The following XRN1 variants were observed in gnomAD, a reference collection of about 807,000 sequenced individuals.
XRN1 encodes the protein 5'-3' exoribonuclease 1.
A neutral mutation model predicts 222.3 loss-of-function variants in XRN1; 67 were observed. That is an observed-to-expected ratio of 0.30 (90% confidence interval 0.25 to 0.37). XRN1 has a LOEUF of 0.37. Among genes scored for constraint, XRN1 ranks in the 10% least tolerant of loss-of-function variants. The pLI is 1.00. For synonymous variants in XRN1, 643 were observed against 652.4 expected (o/e 0.99, Z 0.22); for missense variants, 1,707 against 2,000.2 (o/e 0.85, Z 2.80).
At chr3:142,317,825 G>T (rs1295136694) in intron 39 of XRN1, among the ~76,000 whole-genome samples, 1 of 152,160 alleles carries the variant, frequency 6.6e-6, no homozygotes, top group Non-Finnish European at 1.5e-5. Flanking sequence ...TCTTCTACAG[G>T]CACTTTAGCT....
intron 25 of XRN1, among the ~76,000 whole-genome samples, chr3:142,372,842 G>C (rs2067026868): frequency 6.6e-6 from 1 of 152,212 alleles, no homozygotes; most frequent in Non-Finnish European, 1.5e-5. Flanking sequence ...TCAAGGAAAA[G>C]GGTGGAGGCC....
At chr3:142,354,162 T>C (rs1279050020) in intron 32 of XRN1, among the ~76,000 whole-genome samples, 1 of 151,882 alleles carries the variant, frequency 6.6e-6, no homozygotes, top group Admixed American at 6.6e-5. Context: ...GACATATCAG[T>C]GGACAAGAAA....
chr3:142,409,626 G>A (rs73238182), intron 15 of XRN1, among the ~76,000 whole-genome samples: 25,315 of 152,016 alleles, frequency 0.17, 2,396 homozygotes, highest in Admixed American at 0.22. Flanking sequence ...TTCTTTATAT[G>A]GATTGTTTTG....
chr3:142,308,968 T>TA lies in XRN1; in HGVS notation c.*2542dup, dbSNP rs1211542163. The stretch of plus-strand genomic sequence containing the variant: ...TCTTGAAGTCCAACTGCTTTTCAGA[T>TA]ATACTCTAAATTCCAGGTCTATCAA... On this transcript the variant is annotated 3_prime_UTR_variant, in exon 41 of 41. Coordinates refer to ENST00000392981, the MANE Select transcript of XRN1 (RefSeq NM_001282857.2). 1 of 152,282 alleles carries TA rather than the reference T, an allele frequency of 6.6e-6. No individual in the cohort carries two copies. Among genetic ancestry groups the TA allele is most frequent in the African/African-American group, 2.4e-5 (1 of 41,578 alleles). The allele number at this position is 152,282 out of a possible 1,614,324, so 9.4% of individuals were successfully genotyped here. A position where few individuals can be genotyped will look rare whatever the true frequency, so the allele number is the denominator to read the frequency against.
In XRN1 at chr3:142,447,926, A is replaced by G; in HGVS notation, c.19T>C (p.Tyr7His). 1 of 1,613,986 alleles carries G rather than the reference A, an allele frequency of 6.2e-7. No homozygotes were observed. The highest frequency in any genetic ancestry group is 8.5e-7 in the Non-Finnish European group (1 of 1,179,948). Residue 7 changes from tyrosine to histidine, a missense_variant, in exon 1 of 41, where the codon TAC becomes CAC. Coordinates refer to ENST00000392981, the MANE Select transcript of XRN1 (RefSeq NM_001282857.2). This position sits in a 1 kb window ranked among gnomAD's most constrained non-coding sequence, Gnocchi z 4.2. MGVPKF[Y>H]RWISERYPCL... ...GGATACCGCTCTGAGATCCATCTGT[A>G]AAACTTGGGGACTCCCATTTCGATC...
chr3:142,318,972 T>C, intron 37 of XRN1, 69 bp from the exon 38 acceptor site: 3 of 1,223,448 alleles, frequency 2.5e-6, no homozygotes, highest in South Asian at 1.5e-5. Context: ...CAAAGTTTAG[T>C]CTAAACAAGT....
chr3:142,388,842 C>A (rs2067606461), intron 20 of XRN1, among the ~76,000 whole-genome samples: 1 of 152,208 alleles, frequency 6.6e-6, no homozygotes, highest in African/African-American at 2.4e-5. Context: ...GCTGTCATTT[C>A]AACAATGTTC....
At chr3:142,388,166 C>A (rs1436065294) in intron 20 of XRN1, among the ~76,000 whole-genome samples, 1 of 152,176 alleles carries the variant, frequency 6.6e-6, no homozygotes, top group African/African-American at 2.4e-5. Flanking sequence ...TTTTCCTCCT[C>A]CTCTAACACC....
chr3:142,412,248 T>C lies in XRN1; in HGVS notation c.1713+296A>G, dbSNP rs557233474. Among the ~76,000 whole-genome samples the C allele has an allele frequency of 1.3e-3, 202 of 152,340 alleles. 1 individual carries two copies. The highest frequency in any genetic ancestry group is 0.011 in the South Asian group (51 of 4,830). ...AGGTTCTGTTATTAGATACAACATATTTAGGATTTTTATGTCTTCTTGAAC... is the reference window on the plus strand; with the variant it reads ...AGGTTCTGTTATTAGATACAACATACTTAGGATTTTTATGTCTTCTTGAAC... On this transcript the variant is annotated intron_variant, in intron 15 of 40. Coordinates refer to ENST00000392981, the MANE Select transcript of XRN1 (RefSeq NM_001282857.2).
chr3:142,328,322 T>TG (rs770095567), intron 37 of XRN1, among the ~76,000 whole-genome samples: 1 of 152,144 alleles, frequency 6.6e-6, no homozygotes, highest in Non-Finnish European at 1.5e-5. Flanking sequence ...CTACAGGTTT[T>TG]GGTATGTTGT....
In XRN1 at chr3:142,347,465, A is replaced by G. The variant is rs551792447; in HGVS notation, c.3769-123T>C. On this transcript the variant is annotated intron_variant, in intron 32 of 40. Coordinates refer to ENST00000392981, the MANE Select transcript of XRN1 (RefSeq NM_001282857.2). ...AGTTCCTTAGAAAAAAACTTAATAC[A>G]GAAAAGTATAGAGACTTTTAAAGCC... 3.2e-5 allele frequency: 19 copies of G among 591,460 alleles called. No homozygotes were observed. The South Asian group carries it at 5.9e-4, about 18-fold the overall frequency. The allele number at this position is 591,460 out of a possible 1,614,324, so 36.6% of individuals were successfully genotyped here.
rs767160700 is a variant in XRN1, at chr3:142,335,488, G to A, written c.3899C>T (p.Pro1300Leu). Residue 1300 changes from proline to leucine, a missense_variant, in exon 34 of 41, where the codon CCT becomes CTT. Transcript: ENST00000392981. ...TTTTTGGGACCAACACTCAGCTTTA[G>A]GACTCTTACACTCTTCTTTAACTAG... Reference protein sequence around the residue: ...HRKFKEECKSPKAECWSQKMS... With the variant: ...HRKFKEECKSLKAECWSQKMS... The A allele has an allele frequency of 1.2e-6, 2 of 1,613,710 alleles. No individual in the cohort carries two copies. Among genetic ancestry groups the A allele is most frequent in the Non-Finnish European group, 1.7e-6 (2 of 1,179,822 alleles).
rs1164018240 is a variant in XRN1, at chr3:142,371,147, A to G, written c.3068+92T>C. On this transcript the variant is annotated intron_variant, in intron 26 of 40. Transcript: ENST00000392981. ...CCTGTCTCAAAAAAAAAAAAAAAAA[A>G]GTAATATGAAATTCTTGAGAAACCA... The G allele has an allele frequency of 5.0e-5, 49 of 984,708 alleles. No homozygotes were observed. The Admixed American group carries it at 9.5e-4, about 19-fold the overall frequency. The allele number at this position is 984,708 out of a possible 1,614,324, so 61.0% of individuals were successfully genotyped here. A position where few individuals can be genotyped will look rare whatever the true frequency, so the allele number is the denominator to read the frequency against.
rs758133794 is a variant in XRN1 at position 142,383,380 on chromosome 3, T to C, written c.2536A>G (p.Ile846Val). The C allele has an allele frequency of 3.1e-6, 5 of 1,613,984 alleles. No individual in the cohort carries two copies. The highest frequency in any genetic ancestry group is 4.2e-6 in the Non-Finnish European group (5 of 1,179,960). Residue 846 changes from isoleucine to valine, a missense_variant, in exon 22 of 41, where the codon ATC becomes GTC. By Grantham distance (29) the Ile-to-Val change is conservative. Transcript: ENST00000392981. ...IRAFDSRFSNIKTLDDLFPLR... is the reference protein window; with the variant it reads ...IRAFDSRFSNVKTLDDLFPLR... ...GGAAACAAATCATCCAATGTTTTGA[T>C]ATTGGAGAAACGGGAGTCGAAAGCT...
rs140809025 is a variant in XRN1, at chr3:142,345,098, C to T, written c.3877+2136G>A. Among the ~76,000 whole-genome samples, 176 of 152,240 alleles carry T rather than the reference C, an allele frequency of 1.2e-3. 1 individual carries two copies. The highest frequency in any genetic ancestry group is 4.5e-3 in the Admixed American group (69 of 15,294). ...GTCCAGAAATGAACCCATACATCTA[C>T]AGTCAATTACTTCTTAAAAATGAGA... On this transcript the variant is annotated intron_variant, in intron 33 of 40. Coordinates refer to ENST00000392981, the MANE Select transcript of XRN1 (RefSeq NM_001282857.2).
rs780710607 is a variant in XRN1 at position 142,308,926 on chromosome 3, A to C, written c.*2585T>G. 1 of 152,228 alleles carries C rather than the reference A, an allele frequency of 6.6e-6. No individual in the cohort carries two copies. The highest frequency in any genetic ancestry group is 1.5e-5 in the Non-Finnish European group (1 of 68,038). The allele number at this position is 152,228 out of a possible 1,614,324, so 9.4% of individuals were successfully genotyped here. On this transcript the variant is annotated 3_prime_UTR_variant, in exon 41 of 41. Coordinates refer to ENST00000392981, the MANE Select transcript of XRN1 (RefSeq NM_001282857.2). The stretch of plus-strand genomic sequence containing the variant: ...GTGGTCTTAGTCCACCCCATCTCAA[A>C]GAGAGAATTTTAAATTTCTTGAAGT...
chr3:142,416,496 A>G (rs2068794398), intron 13 of XRN1, among the ~76,000 whole-genome samples: 4 of 152,198 alleles, frequency 2.6e-5, no homozygotes, highest in Non-Finnish European at 5.9e-5. Flanking sequence ...TTCAATAATT[A>G]TTCTTGATAG....
chr3:142,440,571 A>T (rs2070157424), intron 1 of XRN1, among the ~76,000 whole-genome samples: 1 of 152,110 alleles, frequency 6.6e-6, no homozygotes, highest in Non-Finnish European at 1.5e-5. Context: ...AAAGATTGTT[A>T]AGGACCTAAA....
intron 20 of XRN1, among the ~76,000 whole-genome samples, chr3:142,386,765 G>A (rs912764779): frequency 1.3e-5 from 2 of 152,048 alleles, no homozygotes; most frequent in African/African-American, 4.8e-5. Flanking sequence ...AGTCATCAGG[G>A]AAATGCAAAT....
Sources: gnomAD v4.1 joint callset for allele counts (sites outside exome capture counted in the v4.1 genomes callset) on GRCh38, gnomAD v4.1.1 for gene constraint, Gnocchi (gnomAD v3.1) non-coding constraint, MANE v1.5 for transcripts, NCBI Gene and HGNC (gene_info 2026-07-23, HGNC 2026-07-21) for gene names.